The following BTBD6 variants were observed in gnomAD, a reference collection of about 807,000 sequenced individuals.
BTBD6 encodes the protein BTB domain containing 6.
In BTBD6, 30 loss-of-function variants were observed where a neutral mutation model predicts 40.6. The ratio of observed to expected loss-of-function variants is 0.74; its 90% CI spans 0.55 to 1.00. The LOEUF is 1.00. Among genes scored for constraint, BTBD6 ranks in the 50% least tolerant of loss-of-function variants. The probability of loss-of-function intolerance (pLI) is 0.00; values close to 1 mark genes in which losing one functional copy is unlikely to be tolerated. For missense variants in BTBD6, 698 were observed against 694.6 expected, an observed-to-expected ratio of 1.00 and a Z score of -0.06; for synonymous variants, 378 against 308.7, an observed-to-expected ratio of 1.22 and a Z score of -2.35.
At position 105,249,389 on chromosome 14, in the gene BTBD6, C is replaced by T. The variant is rs367672571; in HGVS notation, c.495C>T (p.Phe165=). 4 of 1,613,030 alleles carry T rather than the reference C, an allele frequency of 2.5e-6. No homozygotes were observed. In the South Asian group the frequency reaches 3.3e-5, roughly 13 times the overall value. Residue 165 remains phenylalanine (F), a synonymous_variant, in exon 3 of 4, where the codon TTC becomes TTT. Transcript: ENST00000392554. ...TCTTGGCTGTCGGCAGCTCCGTCTT[C>T]TATGCCATGTTCTACGGAGACCTGG... is the stretch of plus-strand genomic sequence containing the variant. ...KYVLAVGSSV[F]YAMFYGDLAE... is the part of the protein sequence containing the mutation.
In BTBD6 at chr14:105,249,028, G is replaced by C. The variant is rs1251878814; in HGVS notation, c.317G>C (p.Gly106Ala). The change falls in exon 1 of 4, where the codon GGC becomes GCC. Residue 106 changes from glycine to alanine, a missense_variant. Transcript: ENST00000392554. ...PPPAPAPPTL[G>A]NNHQESPGWR... ...CCCGCGCCCGCGCCGCCCACACTCG[G>C]CAACAACCACCAGGAGAGCCCCGGC... 1.7e-6 allele frequency: 2 copies of C among 1,185,198 alleles called. No homozygotes were observed. Among genetic ancestry groups the C allele is most frequent in the Non-Finnish European group, 2.1e-6 (2 of 961,126 alleles). 73.4% of individuals were successfully genotyped at this position (1,185,198 alleles called of 1,614,324 possible). A position where few individuals can be genotyped will look rare whatever the true frequency, so the allele number is the denominator to read the frequency against.
intron 3 of BTBD6, 45 bp downstream of exon 3, chr14:105,249,523 C>T (rs2055448831): frequency 3.1e-6 from 5 of 1,606,120 alleles, no homozygotes; most frequent in Non-Finnish European, 4.3e-6. Context: ...CCGTTTTAGG[C>T]GGCCTCCGGA....
intron 3 of BTBD6, 45 bp downstream of exon 3, chr14:105,249,523 C>A: frequency 1.2e-6 from 2 of 1,606,122 alleles, no homozygotes; most frequent in Non-Finnish European, 1.7e-6. Flanking sequence ...CCGTTTTAGG[C>A]GGCCTCCGGA....
chr14:105,249,521 G>C (rs1282063784), intron 3 of BTBD6, 43 bp downstream of exon 3: 1 of 1,607,202 alleles, frequency 6.2e-7, no homozygotes, highest in Admixed American at 1.7e-5. Flanking sequence ...GTCCGTTTTA[G>C]GCGGCCTCCG....
Position 105,250,508 on chromosome 14 carries a change from G to T in BTBD6, c.1453G>T (p.Ala485Ser). Residue 485 changes from alanine to serine, a missense_variant, in exon 4 of 4, where the codon GCC becomes TCC. Physicochemically the swap from Ala to Ser is moderately conservative, Grantham distance 99. Transcript: ENST00000392554. ...GGTTGAACAAGACACCTTCTACACG[G>T]CCAGTGCCGTCCTGGACGGCAGCGA... ...VQVEQDTFYT[A>S]SAVLDGSELS... The T allele has an allele frequency of 1.9e-6, 3 of 1,614,032 alleles. No homozygotes were observed. Among genetic ancestry groups the T allele is most frequent in the Non-Finnish European group, 2.5e-6 (3 of 1,180,024 alleles).
chr14:105,249,630 C>T lies in BTBD6; in HGVS notation c.585-10C>T, dbSNP rs2055461319. The T allele has an allele frequency of 1.3e-6, 2 of 1,599,432 alleles. No homozygotes were observed. The highest frequency in any genetic ancestry group is 4.5e-5 in the East Asian group (2 of 44,674). ...GAGCCAGCCCCTGACGCGGGCCCTG[C>T]CTCGCCTAGGTACATGTACAGTGAT... On this transcript the variant is annotated splice_polypyrimidine_tract_variant and intron_variant, in intron 3 of 3. Coordinates refer to ENST00000392554, the MANE Select transcript of BTBD6 (RefSeq NM_001387567.1).
In BTBD6 at chr14:105,250,182, T is replaced by TG. The variant is rs1417386062; in HGVS notation, c.1129dup (p.Asp377GlyfsTer61). The TG allele has an allele frequency of 6.2e-7, 1 of 1,612,978 alleles. No homozygotes were observed. The highest frequency in any genetic ancestry group is 1.1e-5 in the South Asian group (1 of 91,088). On this transcript the variant is annotated frameshift_variant, in exon 4 of 4. Coordinates refer to ENST00000392554, the MANE Select transcript of BTBD6 (RefSeq NM_001387567.1). LOFTEE classifies it high-confidence loss of function. ...TACACGGCCACCAACAAGCCCCGCC[T>TG]GGACTTTCCCCTGACCAAGAGGAAG...
Position 105,250,672 on chromosome 14 carries a change from A to C in BTBD6, c.1617A>C (p.Ter539CysextTer26). The C allele has an allele frequency of 6.2e-7, 1 of 1,603,224 alleles. No homozygotes were observed. The highest frequency in any genetic ancestry group is 1.1e-5 in the South Asian group (1 of 90,660). The change falls in exon 4 of 4, where the codon TGA (stop) becomes TGC (cysteine). Residue 539 changes from the stop codon to cysteine (C), a stop_lost. Transcript: ENST00000392554. ...TCCCTGAGCTCATTTTCTATGCCTGAGGTGCCCGGGGAGGCTGCAGCAGGT... is the reference window on the plus strand; with the variant it reads ...TCCCTGAGCTCATTTTCTATGCCTGCGGTGCCCGGGGAGGCTGCAGCAGGT... ...GQIPELIFYA[*>C]
At position 105,249,736 on chromosome 14, in the gene BTBD6, CTG is replaced by C. The variant is rs1287041724; in HGVS notation, c.685_686del (p.Val229GlnfsTer23). The C allele has an allele frequency of 6.2e-7, 1 of 1,613,944 alleles. No individual in the cohort carries two copies. The highest frequency in any genetic ancestry group is 1.3e-5 in the African/African-American group (1 of 75,064). On this transcript the variant is annotated frameshift_variant, in exon 4 of 4. Transcript: ENST00000392554. LOFTEE classifies it high-confidence loss of function. ...KYIVPALAKA[C>X]VNFLETSLEA... is the part of the protein sequence containing the mutation. Reference sequence around the variant, plus strand: ...ACATCGTCCCAGCATTGGCAAAAGCCTGTGTCAACTTTCTGGAGACAAGTTTG... The same window carrying C: ...ACATCGTCCCAGCATTGGCAAAAGCCTGTCAACTTTCTGGAGACAAGTTTG...
rs776474343 is a variant in BTBD6, at chr14:105,249,726, T to C, written c.671T>C (p.Leu224Ser). 1.2e-6 allele frequency: 2 copies of C among 1,613,904 alleles called. No individual in the cohort carries two copies. The highest frequency in any genetic ancestry group is 8.5e-7 in the Non-Finnish European group (1 of 1,180,030). Residue 224 changes from leucine to serine, a missense_variant, in exon 4 of 4, where the codon TTG becomes TCG. Leu to Ser is a moderately radical substitution (Grantham distance 145, BLOSUM62 -2). Coordinates refer to ENST00000392554, the MANE Select transcript of BTBD6 (RefSeq NM_001387567.1). ...GCTAAGAAGTACATCGTCCCAGCAT[T>C]GGCAAAAGCCTGTGTCAACTTTCTG... ...YAAKKYIVPA[L>S]AKACVNFLET...
chr14:105,249,220 G>T lies in BTBD6; in HGVS notation c.438G>T (p.Gly146=). 6.3e-7 allele frequency: 1 copy of T among 1,587,900 alleles called. No individual in the cohort carries two copies. The stretch of plus-strand genomic sequence containing the variant: ...TGCACTTCGTCGTGGGGCCCCCGGG[G>T]GCGACCAGGACGGTGCCCGCCCACA... ...ADVHFVVGPP[G]ATRTVPAHKY... Residue 146 remains glycine, a synonymous_variant, in exon 2 of 4, where the codon GGG becomes GGT. Transcript: ENST00000392554.
At position 105,249,264 on chromosome 14, in the gene BTBD6, CCT is replaced by C. The variant is rs2055413383; in HGVS notation, c.465+21_465+22del. The C allele has an allele frequency of 6.4e-7, 1 of 1,563,636 alleles. No individual in the cohort carries two copies. The highest frequency in any genetic ancestry group is 8.6e-7 in the Non-Finnish European group (1 of 1,158,606). On this transcript the variant is annotated intron_variant, in intron 2 of 3. Coordinates refer to ENST00000392554, the MANE Select transcript of BTBD6 (RefSeq NM_001387567.1). The stretch of plus-strand genomic sequence containing the variant: ...GCCCACAAGGTGGGTAGCGGCGGCC[CCT>C]CTCGGAACGCGTGCCCCGTCCGCCC...
rs2055486564 is a variant in BTBD6, at chr14:105,249,911, G to A, written c.856G>A (p.Glu286Lys). The A allele has an allele frequency of 1.2e-6, 2 of 1,611,372 alleles. No homozygotes were observed. The highest frequency in any genetic ancestry group is 1.3e-5 in the African/African-American group (1 of 75,074). ...GFCEIDRQTL[E>K]IIVTREALNT... ...CTGTGAGATAGACCGGCAGACGCTG[G>A]AGATCATTGTCACTCGGGAGGCCCT... Residue 286 changes from glutamate (E) to lysine (K), a missense_variant, in exon 4 of 4, where the codon GAG becomes AAG. By Grantham distance (56) the Glu-to-Lys change is moderately conservative (BLOSUM62 1). Transcript: ENST00000392554.
Position 105,249,235 on chromosome 14 carries a change from G to A in BTBD6, c.453G>A (p.Val151=), listed in dbSNP as rs762587853. The A allele has an allele frequency of 4.4e-6, 7 of 1,582,498 alleles. No individual in the cohort carries two copies. The highest frequency in any genetic ancestry group is 6.0e-6 in the Non-Finnish European group (7 of 1,170,030). ...GGCCCCCGGGGGCGACCAGGACGGT[G>A]CCCGCCCACAAGGTGGGTAGCGGCG... ...VVGPPGATRT[V]PAHKYVLAVG... Residue 151 remains valine, a synonymous_variant, in exon 2 of 4, where the codon GTG becomes GTA. Transcript: ENST00000392554.
At position 105,250,849 on chromosome 14, in the gene BTBD6, C is replaced by G. The variant is rs2055565243; in HGVS notation, c.*177C>G. Reference sequence around the variant, plus strand: ...ACAGCCAGAACCCAGGGATTGGAGTCTTAGGCATCTCTGGTACAGTGGGGT... The same window carrying G: ...ACAGCCAGAACCCAGGGATTGGAGTGTTAGGCATCTCTGGTACAGTGGGGT... On this transcript the variant is annotated 3_prime_UTR_variant, in exon 4 of 4. Coordinates refer to ENST00000392554, the MANE Select transcript of BTBD6 (RefSeq NM_001387567.1). 6 of 689,528 alleles carry G rather than the reference C, an allele frequency of 8.7e-6. No individual in the cohort carries two copies. Among genetic ancestry groups the G allele is most frequent in the African/African-American group, 7.3e-5 (4 of 55,172 alleles). 42.7% of individuals were successfully genotyped at this position (689,528 alleles called of 1,614,324 possible).
rs932135045 is a variant in BTBD6, at chr14:105,248,596, C to A, written c.-116C>A. The A allele has an allele frequency of 8.4e-6, 8 of 948,374 alleles. No individual in the cohort carries two copies. The South Asian group carries it at 3.4e-4, about 40-fold the overall frequency. The allele number at this position is 948,374 out of a possible 1,614,324, so 58.7% of individuals were successfully genotyped here. ...GGGCGGGCGGGCGGGCGGGACGGCG[C>A]CCCCCGCGGCCGGGCCTGGCCGGGC... On this transcript the variant is annotated 5_prime_UTR_variant, in exon 1 of 4. Coordinates refer to ENST00000392554, the MANE Select transcript of BTBD6 (RefSeq NM_001387567.1).
rs774710405 is a variant in BTBD6 at position 105,250,082 on chromosome 14, C to T, written c.1027C>T (p.Leu343=). ...TCTGGTCCGAATTCCAACCATGACC[C>T]TAGAGGAGTTTGCCAACGGCGCTGC... ...LYLVRIPTMT[L]EEFANGAAQS... Residue 343 remains leucine (L), a synonymous_variant, in exon 4 of 4, where the codon CTA becomes TTA. Transcript: ENST00000392554. 6.2e-7 allele frequency: 1 copy of T among 1,613,008 alleles called. No homozygotes were observed. Among genetic ancestry groups the T allele is most frequent in the East Asian group, 2.2e-5 (1 of 44,886 alleles).
At position 105,250,568 on chromosome 14, in the gene BTBD6, G is replaced by A; in HGVS notation, c.1513G>A (p.Val505Met). The A allele has an allele frequency of 6.2e-7, 1 of 1,614,134 alleles. No individual in the cohort carries two copies. Among genetic ancestry groups the A allele is most frequent in the Non-Finnish European group, 8.5e-7 (1 of 1,180,040 alleles). Residue 505 changes from valine (V) to methionine (M), a missense_variant, in exon 4 of 4, where the codon GTG becomes ATG. By Grantham distance (21) the Val-to-Met change is conservative. Transcript: ENST00000392554. The part of the protein sequence containing the change: ...SYFGQEGMTE[V>M]QCGKVAFQFQ... ...CTTTGGGCAGGAGGGGATGACGGAA[G>A]TGCAGTGTGGAAAGGTGGCCTTCCA...
chr14:105,250,726 T>C lies in BTBD6; in HGVS notation c.*54T>C, dbSNP rs2055556933. On this transcript the variant is annotated 3_prime_UTR_variant, in exon 4 of 4. Transcript: ENST00000392554. Reference sequence around the variant, plus strand: ...CGAGTGAGTGGAGGGGAAGTCAAGATGCTAACTGCTTCTTGACACCATGAA... The same window carrying C: ...CGAGTGAGTGGAGGGGAAGTCAAGACGCTAACTGCTTCTTGACACCATGAA... 15 of 1,509,946 alleles carry C rather than the reference T, an allele frequency of 9.9e-6. No homozygotes were observed. The highest frequency in any genetic ancestry group is 4.5e-6 in the Non-Finnish European group (5 of 1,108,424). 93.5% of individuals were successfully genotyped at this position (1,509,946 alleles called of 1,614,324 possible).
Sources: allele counts gnomAD v4.1 joint callset, GRCh38; gene constraint gnomAD v4.1.1; transcripts MANE v1.5; gene names NCBI Gene and HGNC (gene_info 2026-07-23, HGNC 2026-07-21).